BCAS3: variants seen among roughly 807,000 people sequenced by gnomAD.
BCAS3 encodes the protein BCAS3 microtubule associated cell migration factor.
A neutral mutation model predicts 116.1 loss-of-function variants in BCAS3; 53 were observed. The observed-to-expected ratio is 0.46, with a 90% CI of 0.37 to 0.57. The LOEUF (loss-of-function observed/expected upper bound fraction) is 0.57. BCAS3 is among the 20% of genes least tolerant of loss of function. The pLI, the probability that BCAS3 is intolerant of heterozygous loss-of-function variation, is 0.00. For synonymous variants in BCAS3, 391 were observed against 408.2 expected (o/e 0.96, Z 0.51); for missense variants, 917 against 1,165.4 (o/e 0.79, Z 3.10).
intron 22 of BCAS3, among the ~76,000 whole-genome samples, chr17:61,190,301 G>C (rs1031575515): frequency 2.0e-5 from 3 of 151,972 alleles, no homozygotes; most frequent in African/African-American, 7.2e-5. Context: ...CAAGGCGGGT[G>C]GATTACCTGA....
At chr17:61,038,769 A>G (rs1159107108) in intron 18 of BCAS3, among the ~76,000 whole-genome samples, 1 of 150,196 alleles carries the variant, frequency 6.7e-6, no homozygotes, top group Non-Finnish European at 1.5e-5. Context: ...CCCGTGTTCA[A>G]GCGGTTCTCC....
chr17:60,910,650 T>G lies in BCAS3; in HGVS notation c.941T>G (p.Leu314Trp). 1 of 1,613,342 alleles carries G rather than the reference T, an allele frequency of 6.2e-7. No individual in the cohort carries two copies. Among genetic ancestry groups the G allele is most frequent in the Non-Finnish European group, 8.5e-7 (1 of 1,179,678 alleles). ...AIHSNSRRSP[L>W]VPGIITVIDT... ...CACAGTAATTCACGGCGGAGTCCTT[T>G]GGTCCCAGGCATCATCACAGTTATT... Residue 314 changes from leucine to tryptophan, a missense_variant, in exon 12 of 24, where the codon TTG (leucine) becomes TGG (tryptophan). Physicochemically the swap from Leu to Trp is moderately conservative, Grantham distance 61. Transcript: ENST00000407086.
At chr17:60,761,519 C>T (rs1431289269) in intron 6 of BCAS3, among the ~76,000 whole-genome samples, 9 of 152,268 alleles carry the variant, frequency 5.9e-5, no homozygotes, top group Middle Eastern at 3.4e-3. Context: ...ATCCATGTCC[C>T]TGCAAAGGAC....
Position 60,855,730 on chromosome 17 carries a change from C to A in BCAS3, c.477-12846C>A, listed in dbSNP as rs189069352. Among the ~76,000 whole-genome samples the A allele has an allele frequency of 9.5e-4, 145 of 152,058 alleles. 1 individual carries two copies. Among genetic ancestry groups the A allele is most frequent in the African/African-American group, 3.3e-3 (138 of 41,482 alleles). ...GACAGGGTCTCACTTTGTCACCCAG[C>A]CTGGAGTGCAGTGGCACAATCACTG... is the stretch of plus-strand genomic sequence containing the variant. On this transcript the variant is annotated intron_variant, in intron 7 of 23. Transcript: ENST00000407086.
chr17:60,789,676 A>G (rs1340711213), intron 6 of BCAS3, among the ~76,000 whole-genome samples: 5 of 152,128 alleles, frequency 3.3e-5, no homozygotes, highest in African/African-American at 1.2e-4. Context: ...CATTCTCTCT[A>G]TTGTACATGC....
Position 61,316,786 on chromosome 17 carries a change from A to G in BCAS3, c.2426-51541A>G, listed in dbSNP as rs1322410205. Among the ~76,000 whole-genome samples, 1 of 152,230 alleles carries G rather than the reference A, an allele frequency of 6.6e-6. No homozygotes were observed. Among genetic ancestry groups the G allele is most frequent in the Non-Finnish European group, 1.5e-5 (1 of 68,044 alleles). On this transcript the variant is annotated intron_variant, in intron 22 of 23. Transcript: ENST00000407086. This position sits in a 1 kb window ranked among gnomAD's most constrained non-coding sequence, Gnocchi z 5.8. ...TCTGCTCAACTGTATGTGCTGTGCT[A>G]GATTCCTCGGGGTCATGTACAATAA... is the stretch of plus-strand genomic sequence containing the variant.
chr17:61,197,937 A>T (rs2080581608), intron 22 of BCAS3, among the ~76,000 whole-genome samples: 1 of 152,202 alleles, frequency 6.6e-6, no homozygotes, highest in Admixed American at 6.5e-5. Context: ...TCCATAGATA[A>T]GTAATAAGAT....
intron 7 of BCAS3, among the ~76,000 whole-genome samples, chr17:60,862,740 T>G (rs1323551011): frequency 6.6e-6 from 1 of 152,140 alleles, no homozygotes; most frequent in Non-Finnish European, 1.5e-5. Context: ...CATCCTCAAA[T>G]TGCTCCTGCC....
chr17:61,244,645 C>T lies in BCAS3; in HGVS notation c.2426-123682C>T, dbSNP rs951705662. Among the ~76,000 whole-genome samples the T allele has an allele frequency of 6.6e-6, 1 of 152,112 alleles. No homozygotes were observed. Among genetic ancestry groups the T allele is most frequent in the Non-Finnish European group, 1.5e-5 (1 of 68,008 alleles). On this transcript the variant is annotated intron_variant, in intron 22 of 23. Transcript: ENST00000407086. The surrounding 1 kb of genome is among the most constrained non-coding windows in gnomAD (Gnocchi z 4.9). ...TTGGGAGGCCAAAGCGGGCGGATCACGAGGTCAGGAGATCGAGACCATCCT... is the reference window on the plus strand; with the variant it reads ...TTGGGAGGCCAAAGCGGGCGGATCATGAGGTCAGGAGATCGAGACCATCCT...
chr17:61,174,695 T>C (rs1200192750), intron 22 of BCAS3, among the ~76,000 whole-genome samples: 1 of 152,184 alleles, frequency 6.6e-6, no homozygotes, highest in African/African-American at 2.4e-5. Flanking sequence ...GCTCATGGTT[T>C]GTATGGTTAA....
intron 6 of BCAS3, among the ~76,000 whole-genome samples, chr17:60,794,958 A>T (rs897271101): frequency 2.0e-5 from 3 of 151,924 alleles, no homozygotes; most frequent in Non-Finnish European, 4.4e-5. Flanking sequence ...TGGTATTTTG[A>T]TGGGGATTGC....
intron 22 of BCAS3, among the ~76,000 whole-genome samples, chr17:61,260,129 A>G (rs2049076883): frequency 6.6e-6 from 1 of 152,226 alleles, no homozygotes; most frequent in Non-Finnish European, 1.5e-5. Context: ...CTTAACTTCA[A>G]AGCCCTGTTT....
At chr17:60,766,910 G>T (rs2044155119) in intron 6 of BCAS3, among the ~76,000 whole-genome samples, 1 of 152,180 alleles carries the variant, frequency 6.6e-6, no homozygotes, top group South Asian at 2.1e-4. Flanking sequence ...AATGGCGGAT[G>T]CCCCTCCCCC....
rs2082000987 is a variant in BCAS3, at chr17:61,219,722, C to T, written c.2425+135158C>T. ...CTGCTGCTCTGGGCTGACATGCCCT[C>T]TTTTCTCATCCAGCTGCTGCTTGTT... On this transcript the variant is annotated intron_variant, in intron 22 of 23. Transcript: ENST00000407086. This position sits in a 1 kb window ranked among gnomAD's most constrained non-coding sequence, Gnocchi z 5.2. Among the ~76,000 whole-genome samples the T allele has an allele frequency of 6.6e-6, 1 of 152,178 alleles. No homozygotes were observed.
At chr17:60,988,424 C>T (rs1046464276) in intron 14 of BCAS3, among the ~76,000 whole-genome samples, 5 of 134,304 alleles carry the variant, frequency 3.7e-5, no homozygotes, top group East Asian at 4.9e-4. Context: ...TAGAAGTATT[C>T]CTTCCTCCTC....
chr17:60,902,780 C>A lies in BCAS3; in HGVS notation c.822+77C>A, dbSNP rs936382103. On this transcript the variant is annotated intron_variant, in intron 11 of 23. Transcript: ENST00000407086. ...AGATTTCTCTCCTGAATTATATTTT[C>A]TATTGTAATGATTGTAGTGCTTGTA... is the stretch of plus-strand genomic sequence containing the variant. 8 of 1,192,178 alleles carry A rather than the reference C, an allele frequency of 6.7e-6. No individual in the cohort carries two copies. The African/African-American group carries it at 1.1e-4, about 16-fold the overall frequency. The allele number at this position is 1,192,178 out of a possible 1,614,324, so 73.8% of individuals were successfully genotyped here.
chr17:60,693,885 A>ATT (rs202004899), intron 4 of BCAS3, among the ~76,000 whole-genome samples: 68 of 131,484 alleles, frequency 5.2e-4, no homozygotes, highest in African/African-American at 1.3e-3. Flanking sequence ...AAAAATTTTA[A>ATT]TTTTTTTTTT....
chr17:61,307,654 TCTAA>T lies in BCAS3; in HGVS notation c.2426-60668_2426-60665del, dbSNP rs150458296. On this transcript the variant is annotated intron_variant, in intron 22 of 23. Coordinates refer to ENST00000407086, the MANE Select transcript of BCAS3 (RefSeq NM_017679.5). This position sits in a 1 kb window ranked among gnomAD's most constrained non-coding sequence, Gnocchi z 4.7. Reference sequence around the variant, plus strand: ...AAATCTGAGAAACTGTAGAGAGGACTCTAACTAATTTTATGTCCAAGTGCTCTAA... The same window carrying T: ...AAATCTGAGAAACTGTAGAGAGGACTCTAATTTTATGTCCAAGTGCTCTAA... Among the ~76,000 whole-genome samples, 94 of 152,370 alleles carry T rather than the reference TCTAA, an allele frequency of 6.2e-4. No homozygotes were observed. Among genetic ancestry groups the T allele is most frequent in the Non-Finnish European group, 1.2e-3 (84 of 68,036 alleles).
chr17:60,734,281 T>C (rs1370318829), intron 5 of BCAS3, among the ~76,000 whole-genome samples: 3 of 152,134 alleles, frequency 2.0e-5, no homozygotes. Context: ...AGGTGCACAC[T>C]ACCACACCCA....
Sources: gnomAD v4.1 joint callset for allele counts (sites outside exome capture counted in the v4.1 genomes callset) on GRCh38, gnomAD v4.1.1 for gene constraint, Gnocchi (gnomAD v3.1) non-coding constraint, MANE v1.5 for transcripts, NCBI Gene and HGNC (gene_info 2026-07-23, HGNC 2026-07-21) for gene names.